Variants in TMCO4 observed in about 807,000 individuals in gnomAD.
TMCO4 encodes transmembrane and coiled-coil domain-containing protein 4.
Under a neutral mutation model 64.7 loss-of-function variants are expected in TMCO4, and 58 were observed. The ratio of observed to expected loss-of-function variants is 0.90; its 90% CI spans 0.73 to 1.12. TMCO4 has a LOEUF of 1.12. TMCO4 is among the 50% of genes most tolerant of loss of function. The pLI, the probability that TMCO4 is intolerant of heterozygous loss-of-function variation, is 0.00. For missense variants in TMCO4, 780 were observed against 825.9 expected, an observed-to-expected ratio of 0.94 and a Z score of 0.68; for synonymous variants, 325 against 346.1, an observed-to-expected ratio of 0.94 and a Z score of 0.68.
At chr1:19,740,355 C>T (rs1430330220) in intron 11 of TMCO4, among the ~76,000 whole-genome samples, 3 of 152,174 alleles carry the variant, frequency 2.0e-5, no homozygotes, top group Admixed American at 6.5e-5. Context: ...TCTTGCGCTT[C>T]TATCATTGAC....
chr1:19,740,610 G>T (rs2095474848), intron 11 of TMCO4, among the ~76,000 whole-genome samples, 167 bp downstream of exon 11: 1 of 152,208 alleles, frequency 6.6e-6, no homozygotes, highest in Admixed American at 6.5e-5. Flanking sequence ...TCTCCATAGG[G>T]ATCATAAACT....
chr1:19,760,008 C>T (rs2100966533), intron 6 of TMCO4, among the ~76,000 whole-genome samples: 1 of 152,236 alleles, frequency 6.6e-6, no homozygotes. Flanking sequence ...TCTCTGCCTC[C>T]CACCTCCACT....
chr1:19,796,819 C>G (rs922162009), intron 2 of TMCO4, among the ~76,000 whole-genome samples: 2 of 152,182 alleles, frequency 1.3e-5, no homozygotes, highest in African/African-American at 4.8e-5. Context: ...GTAATCTGCC[C>G]TCCTTGGCCT....
At chr1:19,769,514 T>C (rs61768325) in intron 6 of TMCO4, among the ~76,000 whole-genome samples, 17,823 of 152,170 alleles carry the variant, frequency 0.12, 1,145 homozygotes, top group Non-Finnish European at 0.13. Context: ...ACTAGGAGGG[T>C]TCCAGTGGGG....
chr1:19,727,943 C>T (rs1454590308), intron 13 of TMCO4, among the ~76,000 whole-genome samples: 1 of 152,186 alleles, frequency 6.6e-6, no homozygotes, highest in Non-Finnish European at 1.5e-5. Context: ...CCTTAGCAAA[C>T]TAATGCAGGT....
chr1:19,773,822 C>A (rs1322848753), intron 4 of TMCO4, among the ~76,000 whole-genome samples: 3 of 152,096 alleles, frequency 2.0e-5, no homozygotes, highest in African/African-American at 4.8e-5. Flanking sequence ...ACGATGTTAG[C>A]TAGTATCGTT....
At chr1:19,755,575 GC>G in intron 7 of TMCO4, 58 bp downstream of exon 7, 1 of 1,603,746 alleles carries the variant, frequency 6.2e-7, no homozygotes, top group Non-Finnish European at 8.5e-7. Context: ...TCTGTTATCT[GC>G]AAAGTACACT....
At chr1:19,746,390 C>A in intron 9 of TMCO4, 66 bp downstream of exon 9, 14 of 1,594,438 alleles carry the variant, frequency 8.8e-6, no homozygotes, top group Non-Finnish European at 1.2e-5. Context: ...CCAGGCATGT[C>A]CTTTTAGGAA....
At chr1:19,761,415 C>T (rs970767686) in intron 6 of TMCO4, among the ~76,000 whole-genome samples, 3 of 152,230 alleles carry the variant, frequency 2.0e-5, no homozygotes, top group Admixed American at 6.5e-5. Flanking sequence ...AGATTCCAGT[C>T]CAGTGCCCAG....
At chr1:19,771,516 C>A in intron 4 of TMCO4, 34 bp from the exon 5 acceptor site, 1 of 1,604,698 alleles carries the variant, frequency 6.2e-7, no homozygotes, top group Non-Finnish European at 8.5e-7. Context: ...TCTCCAGGAT[C>A]CTCAGAGCTC....
Position 19,682,270 on chromosome 1 carries a change from A to T in TMCO4, c.*770T>A, listed in dbSNP as rs925884584. 8.4e-5 allele frequency: 19 copies of T among 225,148 alleles called. No individual in the cohort carries two copies. Among genetic ancestry groups the T allele is most frequent in the Non-Finnish European group, 1.4e-4 (16 of 112,124 alleles). 13.9% of individuals were successfully genotyped at this position (225,148 alleles called of 1,614,324 possible). A position where few individuals can be genotyped will look rare whatever the true frequency, so the allele number is the denominator to read the frequency against. ...CTTATTATTATTTATTGCTGTTGTTATCCCCTCTGTTCCTGCTACAGGAAA... is the reference window on the plus strand; with the variant it reads ...CTTATTATTATTTATTGCTGTTGTTTTCCCCTCTGTTCCTGCTACAGGAAA... On this transcript the variant is annotated 3_prime_UTR_variant, in exon 16 of 16. Coordinates refer to ENST00000294543, the MANE Select transcript of TMCO4 (RefSeq NM_181719.7).
rs1369051923 is a variant in TMCO4 at position 19,734,862 on chromosome 1, T to C, written c.1264+2510A>G. 6.6e-6 allele frequency among the ~76,000 whole-genome samples: 1 copy of C among 152,130 alleles called. No homozygotes were observed. Among genetic ancestry groups the C allele is most frequent in the Non-Finnish European group, 1.5e-5 (1 of 68,002 alleles). On this transcript the variant is annotated intron_variant, in intron 13 of 15. Transcript: ENST00000294543. This position sits in a 1 kb window ranked among gnomAD's most constrained non-coding sequence, Gnocchi z 4.4. ...GTTTTCTCATCTGAAGCAGGGAGAC[T>C]GGTGGAACCTCCCTCCTGTGGCTGC...
intron 13 of TMCO4, among the ~76,000 whole-genome samples, chr1:19,704,517 A>G (rs1408660854): frequency 6.6e-6 from 1 of 152,154 alleles, no homozygotes; most frequent in African/African-American, 2.4e-5. Flanking sequence ...CTGCAATAAC[A>G]ACGTGCACAG....
chr1:19,685,857 G>GCTGTGTGGCTTTGATAATA (rs2095144772), intron 15 of TMCO4, among the ~76,000 whole-genome samples: 1 of 152,002 alleles, frequency 6.6e-6, no homozygotes, highest in African/African-American at 2.4e-5. Context: ...GGGACTACAG[G>GCTGTGTGGCTTTGATAATA]CATCTGCCAC....
chr1:19,717,492 A>G (rs1372991317), intron 13 of TMCO4, among the ~76,000 whole-genome samples: 1 of 152,220 alleles, frequency 6.6e-6, no homozygotes, highest in Non-Finnish European at 1.5e-5. Context: ...GCCTGAGTCC[A>G]GGTCTCTGCT....
chr1:19,730,933 GATA>G (rs2095427517), intron 13 of TMCO4, among the ~76,000 whole-genome samples: 1 of 152,184 alleles, frequency 6.6e-6, no homozygotes, highest in African/African-American at 2.4e-5. Context: ...CCTTAACTCA[GATA>G]ATGACAGCTA....
intron 4 of TMCO4, among the ~76,000 whole-genome samples, chr1:19,776,501 G>A (rs918769224): frequency 2.0e-5 from 3 of 152,178 alleles, no homozygotes; most frequent in South Asian, 2.1e-4. Context: ...AGTACACAAA[G>A]CTCTTCCTTG....
In TMCO4 at chr1:19,746,674, C is replaced by T; in HGVS notation, c.614-75G>A. On this transcript the variant is annotated intron_variant, in intron 8 of 15. Transcript: ENST00000294543. ...ACGCGGTGGCTCACGCCTGTAATCC[C>T]AGCACTTTGGGAGGCCGAGGTGGGC... 10 of 1,522,302 alleles carry T rather than the reference C, an allele frequency of 6.6e-6. No individual in the cohort carries two copies. In the South Asian group the frequency reaches 9.9e-5, roughly 15 times the overall value. The allele number at this position is 1,522,302 out of a possible 1,614,324, so 94.3% of individuals were successfully genotyped here.
intron 10 of TMCO4, 60 bp downstream of exon 10, chr1:19,745,472 G>A: frequency 6.2e-7 from 1 of 1,609,906 alleles, no homozygotes. Flanking sequence ...ACCTAGCCCA[G>A]GGTCTGGCCC....
Sources: allele counts gnomAD v4.1 joint callset (sites outside exome capture counted in the v4.1 genomes callset), GRCh38; gene constraint gnomAD v4.1.1; non-coding constraint Gnocchi (gnomAD v3.1); transcripts MANE v1.5; gene names NCBI Gene and HGNC (gene_info 2026-07-23, HGNC 2026-07-21).